The following NDUFA10 variants were observed in gnomAD, a reference collection of about 807,000 sequenced individuals.
The protein encoded by NDUFA10 is NADH dehydrogenase [ubiquinone] 1 alpha subcomplex subunit 10, mitochondrial.
Under a neutral mutation model 47.8 loss-of-function variants are expected in NDUFA10, and 40 were observed. The ratio of observed to expected loss-of-function variants is 0.84; its 90% CI spans 0.65 to 1.09. The LOEUF (loss-of-function observed/expected upper bound fraction) is 1.09. NDUFA10 is among the 50% of genes least tolerant of loss of function. The probability of loss-of-function intolerance (pLI) is 0.00; values close to 1 mark genes in which losing one functional copy is unlikely to be tolerated. For missense variants in NDUFA10, 413 were observed against 451.1 expected (o/e 0.92, Z 0.76); for synonymous variants, 183 against 172.2 (o/e 1.06, Z -0.49).
chr2:239,961,589 C>A (rs11902729), intron 9 of NDUFA10, among the ~76,000 whole-genome samples: 9,902 of 152,268 alleles, frequency 0.065, 1,065 homozygotes, highest in African/African-American at 0.22. Context: ...AACTGAAACA[C>A]CGAGTTCTCT....
At chr2:239,963,074 C>T (rs1311408867) in intron 9 of NDUFA10, among the ~76,000 whole-genome samples, 1 of 152,160 alleles carries the variant, frequency 6.6e-6, no homozygotes, top group African/African-American at 2.4e-5. Flanking sequence ...GCACAGCCAG[C>T]CTCCAGCTTT....
At chr2:239,903,292 G>A (rs78219974) in intron 4 of NDUFA10, among the ~76,000 whole-genome samples, 14,945 of 152,280 alleles carry the variant, frequency 0.098, 864 homozygotes, top group Non-Finnish European at 0.13. Flanking sequence ...GCCACAGAAC[G>A]TCAGCACGGG....
chr2:239,966,639 GCTTAATGTAAA>G (rs754487562), intron 9 of NDUFA10, among the ~76,000 whole-genome samples: 74 of 152,166 alleles, frequency 4.9e-4, no homozygotes, highest in Non-Finnish European at 9.3e-4. Flanking sequence ...AGAAGTCCAT[GCTTAATGTAAA>G]CTAACATGAT....
chr2:239,916,402 A>T (rs1238620217), intron 4 of NDUFA10, among the ~76,000 whole-genome samples: 1 of 151,898 alleles, frequency 6.6e-6, no homozygotes, highest in African/African-American at 2.4e-5. Context: ...ACACATACAA[A>T]CACACACAGT....
intron 6 of NDUFA10, among the ~76,000 whole-genome samples, chr2:240,008,649 T>C (rs981706437): frequency 6.6e-6 from 1 of 152,228 alleles, no homozygotes; most frequent in African/African-American, 2.4e-5. Flanking sequence ...ATTTGACATA[T>C]TTGCACAAGA....
At position 239,980,160 on chromosome 2, in the gene NDUFA10, C is replaced by CCGCA. The variant is rs146663448; in HGVS notation, c.999+9913_999+9914insTGCG. 3.4e-3 allele frequency among the ~76,000 whole-genome samples: 511 copies of CCGCA among 152,326 alleles called. 8 individuals are homozygous for CCGCA. The highest frequency in any genetic ancestry group is 0.012 in the African/African-American group (479 of 41,564). On this transcript the variant is annotated intron_variant, in intron 9 of 9. Coordinates refer to ENST00000252711, the MANE Select transcript of NDUFA10 (RefSeq NM_004544.4). ...TTCTCCCTGCCCACTAGGAGGTGAG[C>CCGCA]TGCATGAGGGCAGGGCTTGGCTTCA...
intron 4 of NDUFA10, among the ~76,000 whole-genome samples, chr2:239,937,966 G>A (rs560578591): frequency 4.9e-4 from 75 of 152,228 alleles, no homozygotes; most frequent in African/African-American, 1.8e-3. Flanking sequence ...TGGGGCCACC[G>A]AGCCATGGTT....
At chr2:239,945,000 G>A (rs1453597445) in intron 4 of NDUFA10, among the ~76,000 whole-genome samples, 1 of 133,676 alleles carries the variant, frequency 7.5e-6, no homozygotes, top group Non-Finnish European at 1.7e-5. Flanking sequence ...ACTTCCCAGG[G>A]GGCCTGTGGA....
intron 4 of NDUFA10, among the ~76,000 whole-genome samples, chr2:239,909,568 G>C (rs1190811549): frequency 1.3e-5 from 2 of 152,062 alleles, no homozygotes; most frequent in African/African-American, 4.8e-5. Context: ...AGCCGAGATC[G>C]CACCACTGCA....
chr2:239,993,028 T>A (rs1240030209), intron 8 of NDUFA10, among the ~76,000 whole-genome samples: 1 of 152,080 alleles, frequency 6.6e-6, no homozygotes, highest in Admixed American at 6.5e-5. Flanking sequence ...TGAAACATCT[T>A]TGGGGAGGAA....
At chr2:239,990,623 C>T (rs1199576604) in intron 8 of NDUFA10, among the ~76,000 whole-genome samples, 1 of 152,170 alleles carries the variant, frequency 6.6e-6, no homozygotes, top group Non-Finnish European at 1.5e-5. Context: ...TGAGTAGCTT[C>T]AGTCCCTCTG....
At position 240,004,980 on chromosome 2, in the gene NDUFA10, G is replaced by A. The variant is rs540926222; in HGVS notation, c.890+230C>T. On this transcript the variant is annotated intron_variant, in intron 8 of 9. Coordinates refer to ENST00000252711, the MANE Select transcript of NDUFA10 (RefSeq NM_004544.4). ...ACACTATATCTCTTAAATCTGGAAC[G>A]GTGTTGCACATAGTGGAAGCAAAAT... Among the ~76,000 whole-genome samples, 3 of 152,254 alleles carry A rather than the reference G, an allele frequency of 2.0e-5. No individual in the cohort carries two copies. The East Asian group carries it at 5.8e-4, about 29-fold the overall frequency.
At chr2:239,939,487 G>C (rs961436567) in intron 4 of NDUFA10, among the ~76,000 whole-genome samples, 1 of 152,236 alleles carries the variant, frequency 6.6e-6, no homozygotes. Context: ...ATTGCTGAAG[G>C]CATTTCTGCT....
At chr2:239,986,851 C>T (rs540308463) in intron 9 of NDUFA10, among the ~76,000 whole-genome samples, 1 of 152,236 alleles carries the variant, frequency 6.6e-6, no homozygotes, top group South Asian at 2.1e-4. Context: ...TAAAAGATAA[C>T]TTTATAGTGA....
chr2:240,015,061 T>A (rs1697292074), intron 4 of NDUFA10, among the ~76,000 whole-genome samples: 1 of 152,258 alleles, frequency 6.6e-6, no homozygotes, highest in Admixed American at 6.5e-5. Context: ...ACGGGGCATG[T>A]GCAGACAGCA....
At chr2:239,936,826 G>C (rs569063634) in intron 4 of NDUFA10, among the ~76,000 whole-genome samples, 14 of 152,132 alleles carry the variant, frequency 9.2e-5, no homozygotes, top group African/African-American at 2.9e-4. Context: ...CGGGTGTTGC[G>C]GTGCATGCCT....
rs540979058 is a variant in NDUFA10 at position 239,977,370 on chromosome 2, C to T, written c.999+12704G>A. Among the ~76,000 whole-genome samples the T allele has an allele frequency of 6.6e-5, 10 of 152,312 alleles. No individual in the cohort carries two copies. In the South Asian group the frequency reaches 1.2e-3, roughly 19 times the overall value. On this transcript the variant is annotated intron_variant, in intron 9 of 9. Transcript: ENST00000252711. ...GTATGGCGTGCTAGGCCCTCTAACT[C>T]GCCCCTGACACTGCTCCTGTTTCTG...
chr2:239,929,667 C>G (rs999320945), intron 4 of NDUFA10, among the ~76,000 whole-genome samples: 2 of 147,006 alleles, frequency 1.4e-5, no homozygotes, highest in African/African-American at 5.0e-5. Flanking sequence ...TCTCCACCAC[C>G]CCTGCTCCTC....
intron 4 of NDUFA10, among the ~76,000 whole-genome samples, chr2:239,937,306 G>T (rs1156975971): frequency 6.6e-6 from 1 of 152,224 alleles, no homozygotes; most frequent in South Asian, 2.1e-4. Context: ...AACTACTGCG[G>T]TATGATTTTA....
Sources: allele counts gnomAD v4.1 joint callset (sites outside exome capture counted in the v4.1 genomes callset), GRCh38; gene constraint gnomAD v4.1.1; transcripts MANE v1.5; gene names NCBI Gene and HGNC (gene_info 2026-07-23, HGNC 2026-07-21).